The following MRAS variants were observed in gnomAD, a reference collection of about 807,000 sequenced individuals.
MRAS encodes the protein muscle RAS oncogene homolog.
In MRAS, 4 loss-of-function variants were observed where a neutral mutation model predicts 20.9. The ratio of observed to expected loss-of-function variants is 0.19; its 90% CI spans 0.09 to 0.44. The LOEUF (loss-of-function observed/expected upper bound fraction) is 0.44, where lower values mean the gene tolerates loss of function less well. Ranked by LOEUF, MRAS falls within the 20% of genes least tolerant of loss-of-function variation. The pLI is 0.99. For synonymous variants in MRAS, 98 were observed against 102.9 expected, an observed-to-expected ratio of 0.95 and a Z score of 0.29; for missense variants, 154 against 277.5, an observed-to-expected ratio of 0.56 and a Z score of 3.16.
chr3:138,375,405 T>C (rs1046028160), intron 2 of MRAS, among the ~76,000 whole-genome samples: 6 of 152,260 alleles, frequency 3.9e-5, no homozygotes, highest in African/African-American at 1.4e-4. Context: ...CGAGTTTTAT[T>C]CAATTTTCTG....
intron 2 of MRAS, among the ~76,000 whole-genome samples, chr3:138,390,780 G>T (rs1028246105): frequency 6.6e-6 from 1 of 152,220 alleles, no homozygotes; most frequent in Admixed American, 6.5e-5. Flanking sequence ...CAATGGATGG[G>T]TTCATACCAT....
intron 1 of MRAS, among the ~76,000 whole-genome samples, chr3:138,352,004 A>C (rs2054238176): frequency 6.6e-6 from 1 of 152,208 alleles, no homozygotes; most frequent in Non-Finnish European, 1.5e-5. Flanking sequence ...TGTGCAGCCA[A>C]GTCAGCATGC....
chr3:138,396,026 A>G (rs556419230), intron 2 of MRAS, among the ~76,000 whole-genome samples: 2 of 152,306 alleles, frequency 1.3e-5, no homozygotes, highest in African/African-American at 4.8e-5. Context: ...AAGGGTTGGC[A>G]TGGGGCTGGG....
chr3:138,365,595 C>T (rs923862103), intron 1 of MRAS, among the ~76,000 whole-genome samples: 1 of 152,190 alleles, frequency 6.6e-6, no homozygotes, highest in African/African-American at 2.4e-5. Flanking sequence ...GGTAGATTAA[C>T]AGAAGACTTG....
At chr3:138,399,133 A>G (rs1239675576) in intron 4 of MRAS, among the ~76,000 whole-genome samples, 1 of 152,222 alleles carries the variant, frequency 6.6e-6, no homozygotes, top group Admixed American at 6.5e-5. Flanking sequence ...GAGAAAGTGG[A>G]AAGTGTGCCC....
chr3:138,362,948 G>C (rs536465229), intron 1 of MRAS, among the ~76,000 whole-genome samples: 1 of 152,112 alleles, frequency 6.6e-6, no homozygotes. Context: ...GCAGTACCGA[G>C]TGTCTCCTTG....
intron 1 of MRAS, among the ~76,000 whole-genome samples, chr3:138,372,507 G>C (rs2054695716): frequency 6.6e-6 from 1 of 152,156 alleles, no homozygotes; most frequent in Non-Finnish European, 1.5e-5. Flanking sequence ...CTCCATGCCA[G>C]CCCTGCTCAG....
chr3:138,391,859 G>T (rs1008066730), intron 2 of MRAS, among the ~76,000 whole-genome samples: 30 of 152,120 alleles, frequency 2.0e-4, no homozygotes, highest in African/African-American at 7.2e-4. Context: ...CTTGTTCATG[G>T]CCAGGCGCGG....
chr3:138,351,848 G>A (rs1425792536), intron 1 of MRAS, among the ~76,000 whole-genome samples: 2 of 152,194 alleles, frequency 1.3e-5, no homozygotes, highest in Non-Finnish European at 2.9e-5. Context: ...GAGAAGCCCA[G>A]GGAACGTTGA....
chr3:138,353,601 G>T (rs980602868), intron 1 of MRAS, among the ~76,000 whole-genome samples: 1 of 152,122 alleles, frequency 6.6e-6, no homozygotes, highest in African/African-American at 2.4e-5. Context: ...TTCTTCAACT[G>T]CTCTTCAAAT....
intron 2 of MRAS, among the ~76,000 whole-genome samples, chr3:138,390,293 G>A (rs1325023545): frequency 6.6e-6 from 1 of 152,098 alleles, no homozygotes; most frequent in Non-Finnish European, 1.5e-5. Context: ...AAAGCTGCTG[G>A]GTCCCTTGAT....
At chr3:138,380,159 C>T (rs958782979) in intron 2 of MRAS, among the ~76,000 whole-genome samples, 23 of 152,022 alleles carry the variant, frequency 1.5e-4, no homozygotes, top group African/African-American at 5.6e-4. Flanking sequence ...CTGAGAAATG[C>T]CTATTCAGGT....
At chr3:138,361,580 G>C (rs2054448438) in intron 1 of MRAS, among the ~76,000 whole-genome samples, 1 of 152,194 alleles carries the variant, frequency 6.6e-6, no homozygotes, top group Non-Finnish European at 1.5e-5. Flanking sequence ...GGGAGGTGCT[G>C]GCTGAATCCA....
intron 5 of MRAS, among the ~76,000 whole-genome samples, chr3:138,401,790 T>C (rs542560079): frequency 6.6e-6 from 1 of 152,330 alleles, no homozygotes; most frequent in Non-Finnish European, 1.5e-5. Context: ...GCTTTTACGC[T>C]CAGTTGACCC....
chr3:138,364,539 G>C (rs184424955), intron 1 of MRAS, among the ~76,000 whole-genome samples: 81 of 152,358 alleles, frequency 5.3e-4, no homozygotes, highest in Non-Finnish European at 1.8e-4. Context: ...ATTTCCAGTT[G>C]AGGGGCCAGT....
chr3:138,389,833 C>T (rs1176728799), intron 2 of MRAS, among the ~76,000 whole-genome samples: 1 of 151,680 alleles, frequency 6.6e-6, no homozygotes, highest in Non-Finnish European at 1.5e-5. Flanking sequence ...AGCAGGAACA[C>T]GGTGGGTGGG....
At chr3:138,382,397 T>C (rs1021831872) in intron 2 of MRAS, among the ~76,000 whole-genome samples, 21 of 152,262 alleles carry the variant, frequency 1.4e-4, no homozygotes, top group African/African-American at 4.8e-4. Context: ...CAAGGATGCC[T>C]TATTTCATCC....
chr3:138,390,920 T>G (rs927171532), intron 2 of MRAS, among the ~76,000 whole-genome samples: 10 of 152,268 alleles, frequency 6.6e-5, no homozygotes, highest in Admixed American at 2.0e-4. Context: ...AATTGAAAAT[T>G]TATTATTATC....
chr3:138,378,908 A>G (rs894829863), intron 2 of MRAS, among the ~76,000 whole-genome samples: 2 of 151,948 alleles, frequency 1.3e-5, no homozygotes, highest in African/African-American at 4.8e-5. Context: ...GGCAACCACT[A>G]TTCTGCTTGC....
Sources: gnomAD v4.1 joint callset for allele counts (sites outside exome capture counted in the v4.1 genomes callset) on GRCh38, gnomAD v4.1.1 for gene constraint, MANE v1.5 for transcripts, NCBI Gene and HGNC (gene_info 2026-07-23, HGNC 2026-07-21) for gene names.